IFIH1: variants seen among roughly 807,000 people sequenced by gnomAD.
The protein encoded by IFIH1 is interferon induced with helicase C domain 1.
A neutral mutation model predicts 107.4 loss-of-function variants in IFIH1; 125 were observed. The ratio of observed to expected loss-of-function variants is 1.16; its 90% CI spans 1.01 to 1.35. The LOEUF is 1.35. Ranked by LOEUF, IFIH1 falls within the 40% of genes most tolerant of loss-of-function variation. The pLI is 0.00. For missense variants in IFIH1, 1,333 were observed against 1,213.7 expected (o/e 1.10, Z -1.46); for synonymous variants, 458 against 413.2 (o/e 1.11, Z -1.31).
At chr2:162,316,027 T>C (rs973593333) in intron 1 of IFIH1, among the ~76,000 whole-genome samples, 1 of 152,226 alleles carries the variant, frequency 6.6e-6, no homozygotes, top group African/African-American at 2.4e-5. Flanking sequence ...CGTTACTCTA[T>C]ATCTTCTTTG....
intron 9 of IFIH1, 100 bp downstream of exon 9, chr2:162,278,102 AACT>A: frequency 8.6e-6 from 8 of 925,740 alleles, no homozygotes; most frequent in Non-Finnish European, 1.3e-5. Context: ...TTCTATTTGG[AACT>A]ACTTTTGCTT....
At chr2:162,270,354 A>T (rs1273054654) in intron 13 of IFIH1, among the ~76,000 whole-genome samples, 1 of 152,216 alleles carries the variant, frequency 6.6e-6, no homozygotes, top group Non-Finnish European at 1.5e-5. Context: ...GAAAGATTTC[A>T]TCTTATCTGT....
Position 162,314,425 on chromosome 2 carries a change from TTTC to T in IFIH1, c.453+3427_453+3429del, listed in dbSNP as rs746205591. Among the ~76,000 whole-genome samples, 540 of 69,852 alleles carry T rather than the reference TTTC, an allele frequency of 7.7e-3. 3 individuals carry two copies. The highest frequency in any genetic ancestry group is 0.017 in the East Asian group (26 of 1,536). 45.8% of individuals were successfully genotyped at this position (69,852 alleles called of 152,430 possible). ...TTTCTTTCTTTCTTTCTTTTCTTTC[TTTC>T]TTTCTTTCTTTCTTTCTTTCTTTCT... On this transcript the variant is annotated intron_variant, in intron 1 of 15. Transcript: ENST00000649979.
At chr2:162,294,291 A>C (rs1441360541) in intron 3 of IFIH1, among the ~76,000 whole-genome samples, 1 of 151,976 alleles carries the variant, frequency 6.6e-6, no homozygotes, top group East Asian at 1.9e-4. Context: ...AGTTATGGTT[A>C]ATATGGATGA....
intron 5 of IFIH1, among the ~76,000 whole-genome samples, chr2:162,284,824 G>T (rs116459178): frequency 0.02 from 3,062 of 151,964 alleles, 110 homozygotes; most frequent in African/African-American, 0.071. Context: ...ATCTACATTT[G>T]ATTTGTCTTT....
At chr2:162,291,681 T>G (rs551342440) in intron 4 of IFIH1, among the ~76,000 whole-genome samples, 1 of 151,968 alleles carries the variant, frequency 6.6e-6, no homozygotes, top group East Asian at 1.9e-4. Context: ...TCCCTTTTGA[T>G]GTCAACTTCA....
intron 3 of IFIH1, among the ~76,000 whole-genome samples, chr2:162,299,553 C>T (rs1053471857): frequency 3.4e-4 from 51 of 152,148 alleles, no homozygotes; most frequent in African/African-American, 1.2e-3. Context: ...CTGTGTGGAG[C>T]TGGAAAGAGA....
chr2:162,313,722 A>G (rs1683422712), intron 1 of IFIH1, among the ~76,000 whole-genome samples: 1 of 152,244 alleles, frequency 6.6e-6, no homozygotes, highest in South Asian at 2.1e-4. Context: ...CCTGTATGTT[A>G]AAAAAGAATT....
rs1265104847 is a variant in IFIH1, at chr2:162,267,139, T to G, written c.*61A>C. ...TCAGTTCTGTAGCATAATGAATACATTAATCATAATCATATTAAATGTTTA... is the reference window on the plus strand; with the variant it reads ...TCAGTTCTGTAGCATAATGAATACAGTAATCATAATCATATTAAATGTTTA... On this transcript the variant is annotated 3_prime_UTR_variant, in exon 16 of 16. Coordinates refer to ENST00000649979, the MANE Select transcript of IFIH1 (RefSeq NM_022168.4). 4 of 1,184,630 alleles carry G rather than the reference T, an allele frequency of 3.4e-6. No individual in the cohort carries two copies. The South Asian group carries it at 6.0e-5, about 18-fold the overall frequency. 73.4% of individuals were successfully genotyped at this position (1,184,630 alleles called of 1,614,324 possible). A position where few individuals can be genotyped will look rare whatever the true frequency, so the allele number is the denominator to read the frequency against.
At chr2:162,288,832 T>A (rs1682943362) in intron 4 of IFIH1, among the ~76,000 whole-genome samples, 1 of 151,806 alleles carries the variant, frequency 6.6e-6, no homozygotes, top group Non-Finnish European at 1.5e-5. Flanking sequence ...GTATTTCCCC[T>A]TTTTTTAATT....
chr2:162,314,391 C>CTTT (rs1683434971), intron 1 of IFIH1, among the ~76,000 whole-genome samples: 1 of 58,442 alleles, frequency 1.7e-5, no homozygotes, highest in African/African-American at 1.1e-4. Context: ...TCCCTCCCTC[C>CTTT]CTCCCTCCTT....
chr2:162,309,594 T>C (rs1409025197), intron 2 of IFIH1, among the ~76,000 whole-genome samples: 1 of 152,210 alleles, frequency 6.6e-6, no homozygotes, highest in African/African-American at 2.4e-5. Flanking sequence ...GCTGGTATAA[T>C]ATATCTCTAC....
At chr2:162,268,675 C>T (rs1347647648) in intron 13 of IFIH1, among the ~76,000 whole-genome samples, 2 of 152,048 alleles carry the variant, frequency 1.3e-5, no homozygotes, top group Non-Finnish European at 2.9e-5. Flanking sequence ...CTGCAACCTC[C>T]ATCTCCTGGG....
intron 7 of IFIH1, among the ~76,000 whole-genome samples, chr2:162,281,075 T>C (rs948069892): frequency 1.3e-5 from 2 of 152,044 alleles, no homozygotes; most frequent in Non-Finnish European, 2.9e-5. Flanking sequence ...AAAGAAGGCA[T>C]TCTATTTATC....
intron 1 of IFIH1, 121 bp downstream of exon 1, chr2:162,317,734 C>G (rs1683528225): frequency 1.0e-5 from 8 of 767,512 alleles, no homozygotes; most frequent in South Asian, 1.8e-5. Flanking sequence ...GTTGTCTTCT[C>G]AAAGGAAGAA....
chr2:162,277,738 C>A lies in IFIH1; in HGVS notation c.1766-45G>T, dbSNP rs562561591. The stretch of plus-strand genomic sequence containing the variant: ...GTAAGTGAAATAATAAGCATATAAA[C>A]CCCCTAAAATTGTGCCATGGACTTG... On this transcript the variant is annotated intron_variant, in intron 9 of 15. Transcript: ENST00000649979. The A allele has an allele frequency of 5.9e-5, 92 of 1,555,252 alleles. No individual in the cohort carries two copies. The East Asian group carries it at 2.0e-3, about 34-fold the overall frequency.
intron 8 of IFIH1, among the ~76,000 whole-genome samples, chr2:162,279,161 A>G (rs903598099): frequency 6.6e-6 from 1 of 152,126 alleles, no homozygotes; most frequent in Non-Finnish European, 1.5e-5. Context: ...ATAAGTAACA[A>G]AAAAAGGAAA....
chr2:162,271,308 G>A (rs2105190699), intron 13 of IFIH1, among the ~76,000 whole-genome samples: 1 of 152,036 alleles, frequency 6.6e-6, no homozygotes, highest in East Asian at 1.9e-4. Context: ...TCCTTTGTAG[G>A]GACATGGATG....
At chr2:162,294,365 C>A (rs1476764822) in intron 3 of IFIH1, among the ~76,000 whole-genome samples, 1 of 151,908 alleles carries the variant, frequency 6.6e-6, no homozygotes, top group Admixed American at 6.6e-5. Context: ...AGGATCAATT[C>A]TTTTTGAAAA....
Sources: allele counts gnomAD v4.1 joint callset (sites outside exome capture counted in the v4.1 genomes callset), GRCh38; gene constraint gnomAD v4.1.1; transcripts MANE v1.5; gene names NCBI Gene and HGNC (gene_info 2026-07-23, HGNC 2026-07-21).